ZDHHC14: variants seen among roughly 807,000 people sequenced by gnomAD.
The protein encoded by ZDHHC14 is palmitoyltransferase ZDHHC14.
ZDHHC14 carries 16 observed loss-of-function variants against 47.7 expected under a neutral mutation model. The ratio of observed to expected loss-of-function variants is 0.34; its 90% CI spans 0.23 to 0.51. ZDHHC14 has a LOEUF of 0.51. Among genes scored for constraint, ZDHHC14 ranks in the 20% least tolerant of loss-of-function variants. ZDHHC14 has a pLI of 0.97. For missense variants in ZDHHC14, 515 were observed against 662.5 expected (o/e 0.78, Z 2.44); for synonymous variants, 293 against 278.9 (o/e 1.05, Z -0.50).
At chr6:157,492,200 G>GCCCCGCC (rs1554261201) in intron 1 of ZDHHC14, among the ~76,000 whole-genome samples, 1 of 81,134 alleles carries the variant, frequency 1.2e-5, no homozygotes, top group African/African-American at 5.2e-5. Context: ...TCCCCCCTCC[G>GCCCCGCC]CCCCCGCCCC....
At position 157,522,758 on chromosome 6, in the gene ZDHHC14, TCC is replaced by T. The variant is rs1201298178; in HGVS notation, c.246-19825_246-19824del. Among the ~76,000 whole-genome samples the T allele has an allele frequency of 7.2e-5, 8 of 111,302 alleles. 1 individual carries two copies. Among genetic ancestry groups the T allele is most frequent in the African/African-American group, 3.0e-4 (8 of 26,770 alleles). 73.0% of individuals were successfully genotyped at this position (111,302 alleles called of 152,430 possible). Reference sequence around the variant, plus strand: ...CTCCCTCCCTCCCTTTCTTCCTCCCTCCCTCCCTTCTTTCCTCCATCTCTCTT... The same window carrying T: ...CTCCCTCCCTCCCTTTCTTCCTCCCTCTCCCTTCTTTCCTCCATCTCTCTT... On this transcript the variant is annotated intron_variant, in intron 1 of 8. Coordinates refer to ENST00000359775, the MANE Select transcript of ZDHHC14 (RefSeq NM_024630.3).
intron 3 of ZDHHC14, among the ~76,000 whole-genome samples, chr6:157,601,643 TACA>T (rs942261624): frequency 2.0e-5 from 3 of 152,130 alleles, no homozygotes; most frequent in African/African-American, 4.8e-5. Flanking sequence ...TAGAAGAATA[TACA>T]AACAACAAAC....
intron 1 of ZDHHC14, among the ~76,000 whole-genome samples, chr6:157,390,221 G>A (rs959182166): frequency 7.9e-5 from 12 of 151,934 alleles, no homozygotes; most frequent in Non-Finnish European, 1.8e-4. Flanking sequence ...GATGATATTA[G>A]CCCATGGTCT....
chr6:157,529,977 T>A (rs1403944144), intron 1 of ZDHHC14, among the ~76,000 whole-genome samples: 1 of 152,240 alleles, frequency 6.6e-6, no homozygotes, highest in Non-Finnish European at 1.5e-5. Flanking sequence ...ATGGTCTCAG[T>A]AATACCAATG....
intron 2 of ZDHHC14, among the ~76,000 whole-genome samples, chr6:157,588,142 C>G (rs1219209573): frequency 5.3e-5 from 8 of 152,062 alleles, no homozygotes; most frequent in Non-Finnish European, 1.0e-4. Context: ...CACCTGTAGT[C>G]CCAGCTACTT....
At chr6:157,492,507 G>T (rs1391402706) in intron 1 of ZDHHC14, among the ~76,000 whole-genome samples, 2 of 152,226 alleles carry the variant, frequency 1.3e-5, no homozygotes, top group Non-Finnish European at 2.9e-5. Context: ...ATTGGGGAAT[G>T]ATTCTGCCTT....
At chr6:157,467,477 T>C (rs1186270541) in intron 1 of ZDHHC14, among the ~76,000 whole-genome samples, 1 of 152,116 alleles carries the variant, frequency 6.6e-6, no homozygotes, top group Admixed American at 6.6e-5. Flanking sequence ...GTTCAGGGTT[T>C]ATCCATGTTG....
chr6:157,564,185 T>C (rs1782816993), intron 2 of ZDHHC14, among the ~76,000 whole-genome samples: 1 of 152,234 alleles, frequency 6.6e-6, no homozygotes, highest in South Asian at 2.1e-4. Context: ...GAACTGTTCT[T>C]GCATGGTGGT....
chr6:157,479,542 A>T (rs937555173), intron 1 of ZDHHC14, among the ~76,000 whole-genome samples: 3 of 152,150 alleles, frequency 2.0e-5, no homozygotes, highest in Non-Finnish European at 2.9e-5. Context: ...GTGCCCTTGC[A>T]GGCTTTTCCA....
intron 1 of ZDHHC14, among the ~76,000 whole-genome samples, chr6:157,519,744 G>C (rs75246397): frequency 0.085 from 12,998 of 152,188 alleles, 738 homozygotes; most frequent in Non-Finnish European, 0.12. Context: ...AGGATTCATC[G>C]TTTTTTTGTT....
chr6:157,612,146 T>C (rs1044057967), intron 3 of ZDHHC14, among the ~76,000 whole-genome samples: 1 of 152,182 alleles, frequency 6.6e-6, no homozygotes, highest in Admixed American at 6.5e-5. Flanking sequence ...ATCACCAGGC[T>C]CTGTACAGTT....
chr6:157,612,152 CAGTTT>C (rs1239410963), intron 3 of ZDHHC14, among the ~76,000 whole-genome samples: 3 of 152,228 alleles, frequency 2.0e-5, no homozygotes, highest in Non-Finnish European at 4.4e-5. Context: ...AGGCTCTGTA[CAGTTT>C]GCTTACTAGG....
intron 1 of ZDHHC14, among the ~76,000 whole-genome samples, chr6:157,455,884 G>A (rs1054198775): frequency 8.5e-5 from 13 of 152,310 alleles, no homozygotes; most frequent in African/African-American, 3.1e-4. Context: ...TCTGAGCGGC[G>A]CTCTGCCTGC....
intron 1 of ZDHHC14, among the ~76,000 whole-genome samples, chr6:157,441,994 A>T (rs1051882469): frequency 2.0e-5 from 3 of 152,230 alleles, no homozygotes; most frequent in Non-Finnish European, 4.4e-5. Context: ...TTGATGCCTC[A>T]GATTTATTAA....
intron 7 of ZDHHC14, among the ~76,000 whole-genome samples, chr6:157,649,781 T>G (rs1777733343): frequency 6.6e-6 from 1 of 152,194 alleles, no homozygotes; most frequent in Non-Finnish European, 1.5e-5. Flanking sequence ...TGGCCAGGTT[T>G]GGAGGAAGGA....
At chr6:157,457,931 T>C (rs1778967516) in intron 1 of ZDHHC14, among the ~76,000 whole-genome samples, 1 of 152,310 alleles carries the variant, frequency 6.6e-6, no homozygotes, top group Non-Finnish European at 1.5e-5. Flanking sequence ...AGGAGCAAAT[T>C]TGGACAAATT....
chr6:157,425,580 C>T (rs1258738648), intron 1 of ZDHHC14, among the ~76,000 whole-genome samples: 2 of 152,220 alleles, frequency 1.3e-5, no homozygotes, highest in Non-Finnish European at 1.5e-5. Flanking sequence ...GCGATATCTG[C>T]ATTTTATCAT....
rs886739342 is a variant in ZDHHC14, at chr6:157,427,318, G to A, written c.245+45052G>A. Among the ~76,000 whole-genome samples, 1 of 152,158 alleles carries A rather than the reference G, an allele frequency of 6.6e-6. No homozygotes were observed. Among genetic ancestry groups the A allele is most frequent in the African/African-American group, 2.4e-5 (1 of 41,426 alleles). On this transcript the variant is annotated intron_variant, in intron 1 of 8. Transcript: ENST00000359775. The surrounding 1 kb of genome is among the most constrained non-coding windows in gnomAD (Gnocchi z 4.4). ...AGTGGGCAGAGATGTGAGGGTTGGG[G>A]TCTCAGCGTTTGGAAATGTCACTCA...
At chr6:157,494,172 T>G (rs2365386) in intron 1 of ZDHHC14, among the ~76,000 whole-genome samples, 97,774 of 152,130 alleles carry the variant, frequency 0.64, 31,752 homozygotes, top group African/African-American at 0.73. Context: ...CACCTCTGAG[T>G]TCCCTTTAAA....
Sources: gnomAD v4.1 joint callset for allele counts (sites outside exome capture counted in the v4.1 genomes callset) on GRCh38, gnomAD v4.1.1 for gene constraint, Gnocchi (gnomAD v3.1) non-coding constraint, MANE v1.5 for transcripts, NCBI Gene and HGNC (gene_info 2026-07-23, HGNC 2026-07-21) for gene names.